PTPN13: variants seen among roughly 807,000 people sequenced by gnomAD.
The protein encoded by PTPN13 is protein tyrosine phosphatase non-receptor type 13, also known as tyrosine-protein phosphatase non-receptor type 13.
A neutral mutation model predicts 284.0 loss-of-function variants in PTPN13; 191 were observed. That is an observed-to-expected ratio of 0.67 (90% confidence interval 0.60 to 0.76). The LOEUF is 0.76. Among genes scored for constraint, PTPN13 ranks in the 30% least tolerant of loss-of-function variants. The pLI is 0.00. For missense variants in PTPN13, 2,797 were observed against 2,939.9 expected (o/e 0.95, Z 1.12); for synonymous variants, 986 against 1,022.3 (o/e 0.96, Z 0.68).
Position 86,722,374 on chromosome 4 carries a change from C to T in PTPN13, c.1548C>T (p.Ile516=). The change falls in exon 10 of 48, where the codon ATC becomes ATT. Residue 516 remains isoleucine, a synonymous_variant. Coordinates refer to ENST00000411767, the MANE Select transcript of PTPN13 (RefSeq NM_080683.3). ...CAATCAAAGCGTCCATGCTTGACAT[C>T]ACCAGGGATCCGTTAAGAGAAATTG... is the stretch of plus-strand genomic sequence containing the variant. ...GDTIKASMLD[I]TRDPLREIAL... is the part of the protein sequence containing the mutation. 1.2e-6 allele frequency: 2 copies of T among 1,613,786 alleles called. No individual in the cohort carries two copies. Among genetic ancestry groups the T allele is most frequent in the Non-Finnish European group, 1.7e-6 (2 of 1,179,794 alleles).
rs748274481 is a variant in PTPN13, at chr4:86,750,642, G to A, written c.2823G>A (p.Ser941=). The A allele has an allele frequency of 8.9e-5, 144 of 1,613,814 alleles. No homozygotes were observed. Among genetic ancestry groups the A allele is most frequent in the Middle Eastern group, 1.6e-4 (1 of 6,084 alleles). The part of the protein sequence containing the change: ...ILKRLSCSEL[S]LYQPLQNSSK... Reference sequence around the variant, plus strand: ...AGAGGCTATCCTGCTCAGAGCTGTCGCTTTACCAGCCATTGCAAAACAGTT... The same window carrying A: ...AGAGGCTATCCTGCTCAGAGCTGTCACTTTACCAGCCATTGCAAAACAGTT... The change falls in exon 18 of 48, where the codon TCG becomes TCA. Residue 941 remains serine (S), a synonymous_variant. Transcript: ENST00000411767.
At position 86,753,422 on chromosome 4, in the gene PTPN13, A is replaced by G. The variant is rs552531499; in HGVS notation, c.3223+357A>G. ...GATTCATTCAGACGGAACAATAAAG[A>G]TAAGCATTCCAGATCAAGGGCATAG... is the stretch of plus-strand genomic sequence containing the variant. On this transcript the variant is annotated intron_variant, in intron 20 of 47. Coordinates refer to ENST00000411767, the MANE Select transcript of PTPN13 (RefSeq NM_080683.3). 1.2e-4 allele frequency among the ~76,000 whole-genome samples: 18 copies of G among 152,212 alleles called. 1 individual carries two copies. The highest frequency in any genetic ancestry group is 2.4e-4 in the Non-Finnish European group (16 of 67,962).
chr4:86,766,739 G>A (rs891860471), intron 27 of PTPN13: 3 of 371,276 alleles, frequency 8.1e-6, no homozygotes, highest in Admixed American at 4.6e-5. Context: ...CACATTTAAC[G>A]CTTACATTAC....
rs190765709 is a variant in PTPN13, at chr4:86,708,114, A to G, written c.1195+6313A>G. On this transcript the variant is annotated intron_variant, in intron 7 of 47. Transcript: ENST00000411767. The stretch of plus-strand genomic sequence containing the variant: ...GTCCAACTCAGTAGCTACTAGCTAC[A>G]TGTGACTATGGAGCACTTGCAATGT... Among the ~76,000 whole-genome samples, 223 of 152,338 alleles carry G rather than the reference A, an allele frequency of 1.5e-3. 1 individual carries two copies. Among genetic ancestry groups the G allele is most frequent in the Non-Finnish European group, 2.5e-3 (172 of 68,014 alleles).
At position 86,732,753 on chromosome 4, in the gene PTPN13, A is replaced by C; in HGVS notation, c.1845A>C (p.Leu615Phe). ...IGLVEHHLFALATLKDNEYFF... is the reference protein window; with the variant it reads ...IGLVEHHLFAFATLKDNEYFF... ...TAGTAGAGCATCATTTGTTTGCTTT[A>C]GCTACCCTCAAAGGTACCAAGACAT... Residue 615 changes from leucine to phenylalanine, a missense_variant, in exon 12 of 48, where the codon TTA becomes TTC. Physicochemically the swap from Leu to Phe is conservative, Grantham distance 22. Coordinates refer to ENST00000411767, the MANE Select transcript of PTPN13 (RefSeq NM_080683.3). 6 of 1,612,784 alleles carry C rather than the reference A, an allele frequency of 3.7e-6. No homozygotes were observed. The highest frequency in any genetic ancestry group is 5.1e-6 in the Non-Finnish European group (6 of 1,179,290).
intron 7 of PTPN13, among the ~76,000 whole-genome samples, chr4:86,702,081 A>G (rs1226017790): frequency 1.3e-5 from 2 of 152,186 alleles, no homozygotes; most frequent in South Asian, 4.1e-4. Context: ...AAGCTTCTCA[A>G]AGGCAGGAGG....
intron 1 of PTPN13, among the ~76,000 whole-genome samples, chr4:86,624,931 A>G (rs1379704355): frequency 6.6e-6 from 1 of 152,140 alleles, no homozygotes; most frequent in Non-Finnish European, 1.5e-5. Flanking sequence ...AGTGAAAGCC[A>G]TTCTTTGAGG....
At chr4:86,765,565 C>A in intron 26 of PTPN13, 77 bp downstream of exon 26, 1 of 1,004,532 alleles carries the variant, frequency 1.0e-6, no homozygotes, top group South Asian at 1.7e-5. Flanking sequence ...AAGTTGATAA[C>A]TGACCTTCAA....
intron 1 of PTPN13, among the ~76,000 whole-genome samples, chr4:86,624,993 G>A (rs1578276276): frequency 6.6e-6 from 1 of 152,078 alleles, no homozygotes; most frequent in East Asian, 1.9e-4. Flanking sequence ...TAGGTCATGA[G>A]GACTACCTCA....
chr4:86,779,148 G>T (rs1036770204), intron 35 of PTPN13, among the ~76,000 whole-genome samples: 1 of 151,950 alleles, frequency 6.6e-6, no homozygotes, highest in African/African-American at 2.4e-5. Context: ...TGCCATTAGG[G>T]CTTTTTGCAC....
chr4:86,781,625 T>C (rs1028696114), intron 36 of PTPN13, among the ~76,000 whole-genome samples: 4 of 152,200 alleles, frequency 2.6e-5, no homozygotes, highest in African/African-American at 9.7e-5. Flanking sequence ...TTATAATCAG[T>C]GTATCACATG....
chr4:86,651,460 T>C (rs1725066056), intron 2 of PTPN13, among the ~76,000 whole-genome samples: 1 of 152,020 alleles, frequency 6.6e-6, no homozygotes, highest in African/African-American at 2.4e-5. Context: ...CCTGATGTTT[T>C]TTTGTCTGGT....
intron 28 of PTPN13, among the ~76,000 whole-genome samples, chr4:86,768,756 G>C (rs1451206064): frequency 6.8e-6 from 1 of 147,956 alleles, no homozygotes; most frequent in African/African-American, 2.5e-5. Context: ...TGTTGCCCAG[G>C]CTGGAGTACA....
intron 2 of PTPN13, among the ~76,000 whole-genome samples, chr4:86,658,262 A>G (rs1168980989): frequency 2.0e-5 from 3 of 152,066 alleles, no homozygotes; most frequent in African/African-American, 7.2e-5. Context: ...GTCCCCCACT[A>G]ACTTCACTCT....
chr4:86,802,859 C>A (rs908868342), intron 42 of PTPN13, among the ~76,000 whole-genome samples: 4 of 152,030 alleles, frequency 2.6e-5, no homozygotes, highest in African/African-American at 9.7e-5. Flanking sequence ...ATCGCTTGAG[C>A]CCAGGAGTTC....
chr4:86,634,579 C>G (rs1001509780), intron 1 of PTPN13, among the ~76,000 whole-genome samples: 2 of 152,230 alleles, frequency 1.3e-5, no homozygotes, highest in East Asian at 3.9e-4. Flanking sequence ...AGCCACTTCC[C>G]TTGTCATAGC....
intron 3 of PTPN13, among the ~76,000 whole-genome samples, chr4:86,684,987 C>CAT (rs1729290641): frequency 1.3e-5 from 2 of 152,190 alleles, no homozygotes; most frequent in Non-Finnish European, 2.9e-5. Context: ...TGTGAATTCC[C>CAT]ATATGCTCTG....
In PTPN13 at chr4:86,784,520, A is replaced by G. The variant is rs1578663667; in HGVS notation, c.6080A>G (p.Tyr2027Cys). The G allele has an allele frequency of 1.2e-6, 2 of 1,609,536 alleles. No homozygotes were observed. The highest frequency in any genetic ancestry group is 2.2e-5 in the East Asian group (1 of 44,626). Residue 2027 changes from tyrosine to cysteine, a missense_variant, in exon 38 of 48, where the codon TAT (tyrosine) becomes TGT (cysteine). Transcript: ENST00000411767. ...TACCCCAAAGGAAAATGTTCTACTT[A>G]TCAGATAAAGGGATCACCAAACTTG... ...ISYPKGKCSTYQIKGSPNLTL... is the reference protein window; with the variant it reads ...ISYPKGKCSTCQIKGSPNLTL...
chr4:86,803,488 G>A (rs1744284117), intron 42 of PTPN13, among the ~76,000 whole-genome samples: 1 of 152,102 alleles, frequency 6.6e-6, no homozygotes. Context: ...AGCTACTTGG[G>A]AAACTGAGGC....
Sources: allele counts gnomAD v4.1 joint callset (sites outside exome capture counted in the v4.1 genomes callset), GRCh38; gene constraint gnomAD v4.1.1; transcripts MANE v1.5; gene names NCBI Gene and HGNC (gene_info 2026-07-23, HGNC 2026-07-21).